The following PEX5L variants were observed in gnomAD, a reference collection of about 807,000 sequenced individuals.
PEX5L encodes peroxisomal biogenesis factor 5 like, also known as PEX5-related protein.
In PEX5L, 30 loss-of-function variants were observed where a neutral mutation model predicts 84.0. That is an observed-to-expected ratio of 0.36 (90% CI 0.27 to 0.48). The LOEUF is 0.48. PEX5L is among the 20% of genes least tolerant of loss of function. The pLI, the probability that PEX5L is intolerant of heterozygous loss-of-function variation, is 0.99. For synonymous variants in PEX5L, 270 were observed against 283.1 expected (o/e 0.95, Z 0.46); for missense variants, 533 against 754.6 (o/e 0.71, Z 3.44).
At chr3:179,984,908 A>C (rs1442935116) in intron 1 of PEX5L, among the ~76,000 whole-genome samples, 3 of 152,236 alleles carry the variant, frequency 2.0e-5, no homozygotes, top group African/African-American at 7.2e-5. Context: ...ATACTGAGGA[A>C]ATGAATTTTA....
intron 2 of PEX5L, among the ~76,000 whole-genome samples, chr3:179,934,888 TAG>T (rs1344385963): frequency 6.6e-6 from 1 of 152,140 alleles, no homozygotes; most frequent in Non-Finnish European, 1.5e-5. Flanking sequence ...TATCATAAAT[TAG>T]AGAGTCACTG....
intron 1 of PEX5L, among the ~76,000 whole-genome samples, chr3:180,031,337 T>C (rs1211127622): frequency 2.0e-5 from 3 of 152,210 alleles, no homozygotes; most frequent in Admixed American, 6.5e-5. Flanking sequence ...GGGGATGGTA[T>C]AGGTGAGGTG....
intron 2 of PEX5L, among the ~76,000 whole-genome samples, chr3:179,930,728 C>A (rs950865776): frequency 2.6e-5 from 4 of 152,196 alleles, no homozygotes; most frequent in African/African-American, 9.7e-5. Flanking sequence ...TAATTTTACT[C>A]TAAAAATGGT....
rs571115340 is a variant in PEX5L at position 179,836,009 on chromosome 3, T to C, written c.823-16033A>G. Among the ~76,000 whole-genome samples, 5 of 152,316 alleles carry C rather than the reference T, an allele frequency of 3.3e-5. No homozygotes were observed. The East Asian group carries it at 9.6e-4, about 29-fold the overall frequency. ...CAAACCAAGTTCATTGTAGGCAAAT[T>C]AGACAAATACATGAACAAAAAGAAA... On this transcript the variant is annotated intron_variant, in intron 8 of 14. Coordinates refer to ENST00000467460, the MANE Select transcript of PEX5L (RefSeq NM_016559.3).
At chr3:179,804,299 G>A (rs756769835) in intron 14 of PEX5L, 5 of 152,064 alleles carry the variant, frequency 3.3e-5, no homozygotes, top group African/African-American at 1.2e-4. Context: ...TTTCACACAT[G>A]TATGTATAAA....
intron 3 of PEX5L, chr3:179,888,199 C>T: frequency 7.8e-7 from 1 of 1,286,632 alleles, no homozygotes; most frequent in Non-Finnish European, 1.0e-6. Context: ...ACTGCTCAGT[C>T]AGTGTTTATG....
chr3:180,001,990 C>T (rs889079126), intron 1 of PEX5L, among the ~76,000 whole-genome samples: 3 of 152,070 alleles, frequency 2.0e-5, no homozygotes, highest in African/African-American at 4.8e-5. Flanking sequence ...TATGATATTG[C>T]ACTTACTTCT....
intron 6 of PEX5L, among the ~76,000 whole-genome samples, chr3:179,874,752 T>TTTTTTTTTTTG (rs1751749795): frequency 1.8e-5 from 2 of 112,010 alleles, no homozygotes; most frequent in African/African-American, 3.1e-5. Context: ...TTTTTTTTTT[T>TTTTTTTTTTTG]TTTTTTTTTT....
chr3:179,848,283 G>A (rs1740404305), intron 8 of PEX5L, among the ~76,000 whole-genome samples: 1 of 152,052 alleles, frequency 6.6e-6, no homozygotes, highest in Non-Finnish European at 1.5e-5. Flanking sequence ...GGGTGTGGTG[G>A]CTCACACCTG....
intron 3 of PEX5L, chr3:179,888,065 A>G: frequency 1.0e-6 from 1 of 969,426 alleles, no homozygotes. Context: ...ATTTCAATAT[A>G]TAGAAAATGA....
chr3:179,823,351 A>G (rs761092720), intron 8 of PEX5L, among the ~76,000 whole-genome samples: 6 of 152,182 alleles, frequency 3.9e-5, no homozygotes, highest in Non-Finnish European at 7.4e-5. Flanking sequence ...GTTTATGAAT[A>G]GTTTATTATA....
At chr3:179,823,908 T>A (rs77459619) in intron 8 of PEX5L, among the ~76,000 whole-genome samples, 4 of 152,154 alleles carry the variant, frequency 2.6e-5, no homozygotes, top group South Asian at 2.1e-4. Flanking sequence ...CATTTTTTTT[T>A]AAAGGGGCCT....
At chr3:179,972,457 C>T (rs752457024) in intron 1 of PEX5L, among the ~76,000 whole-genome samples, 1 of 151,780 alleles carries the variant, frequency 6.6e-6, no homozygotes, top group South Asian at 2.1e-4. Context: ...CTTTTTTTCT[C>T]CCAACGCAAC....
chr3:180,030,372 C>T (rs542498705), intron 1 of PEX5L, among the ~76,000 whole-genome samples: 15 of 152,284 alleles, frequency 9.9e-5, no homozygotes, highest in East Asian at 1.9e-4. Flanking sequence ...GTGCTAGATC[C>T]GGTACATTCT....
At chr3:179,832,946 G>A (rs987806818) in intron 8 of PEX5L, among the ~76,000 whole-genome samples, 1 of 152,204 alleles carries the variant, frequency 6.6e-6, no homozygotes, top group African/African-American at 2.4e-5. Context: ...ATCTTCAACT[G>A]TTAAACTAAA....
chr3:179,876,079 AC>A (rs1358162211), intron 5 of PEX5L, among the ~76,000 whole-genome samples: 1 of 152,180 alleles, frequency 6.6e-6, no homozygotes, highest in Non-Finnish European at 1.5e-5. Context: ...GAATGCTGGA[AC>A]CATTTTATCC....
In PEX5L at chr3:179,902,673, A is replaced by T. The variant is rs1161017743; in HGVS notation, c.94-4427T>A. 3 of 456,626 alleles carry T rather than the reference A, an allele frequency of 6.6e-6. No homozygotes were observed. The Admixed American group carries it at 7.0e-5, about 11-fold the overall frequency. The allele number at this position is 456,626 out of a possible 1,614,324, so 28.3% of individuals were successfully genotyped here. A position where few individuals can be genotyped will look rare whatever the true frequency, so the allele number is the denominator to read the frequency against. ...CCACTTTTACTAAGACTTTCTTGAG[A>T]TCCGTTTTGGTGCATAAAATACTTA... is the stretch of plus-strand genomic sequence containing the variant. On this transcript the variant is annotated intron_variant, in intron 2 of 14. Transcript: ENST00000467460.
intron 14 of PEX5L, among the ~76,000 whole-genome samples, chr3:179,806,303 G>A (rs1283513269): frequency 6.6e-6 from 1 of 152,174 alleles, no homozygotes; most frequent in African/African-American, 2.4e-5. Context: ...TAGGGGGGTG[G>A]CACAGAGTCA....
intron 2 of PEX5L, among the ~76,000 whole-genome samples, chr3:179,950,871 T>C (rs1344956378): frequency 6.6e-6 from 1 of 152,202 alleles, no homozygotes; most frequent in East Asian, 1.9e-4. Flanking sequence ...GTAAGTATTC[T>C]GAAACGGAGA....
Sources: allele counts gnomAD v4.1 joint callset (sites outside exome capture counted in the v4.1 genomes callset), GRCh38; gene constraint gnomAD v4.1.1; transcripts MANE v1.5; gene names NCBI Gene and HGNC (gene_info 2026-07-23, HGNC 2026-07-21).